The following FMN2 variants were observed in gnomAD, a reference collection of about 807,000 sequenced individuals.
FMN2 encodes the protein formin 2.
In FMN2, 51 loss-of-function variants were observed where a neutral mutation model predicts 142.3. The observed-to-expected ratio is 0.36, with a 90% CI of 0.29 to 0.45. The LOEUF (loss-of-function observed/expected upper bound fraction) is 0.45, where lower values mean the gene tolerates loss of function less well. Among genes scored for constraint, FMN2 ranks in the 20% least tolerant of loss-of-function variants. The probability of loss-of-function intolerance (pLI) is 1.00; values close to 1 mark genes in which losing one functional copy is unlikely to be tolerated. For missense variants in FMN2, 1,936 were observed against 2,122.8 expected, an observed-to-expected ratio of 0.91 and a Z score of 1.73; for synonymous variants, 882 against 869.8, an observed-to-expected ratio of 1.01 and a Z score of -0.25.
At chr1:240,423,777 C>T (rs1674848993) in intron 15 of FMN2, among the ~76,000 whole-genome samples, 1 of 152,204 alleles carries the variant, frequency 6.6e-6, no homozygotes, top group Non-Finnish European at 1.5e-5. Flanking sequence ...CCTCACGAGT[C>T]CCTTCATGTC....
intron 7 of FMN2, among the ~76,000 whole-genome samples, 180 bp from the exon 8 acceptor site, chr1:240,294,642 A>C (rs1211729813): frequency 6.6e-6 from 1 of 152,192 alleles, no homozygotes; most frequent in Non-Finnish European, 1.5e-5. Context: ...AAGCTTTAAC[A>C]CTTGACACCT....
intron 7 of FMN2, among the ~76,000 whole-genome samples, chr1:240,282,512 G>A (rs1669434036): frequency 6.6e-6 from 1 of 152,178 alleles, no homozygotes; most frequent in Non-Finnish European, 1.5e-5. Flanking sequence ...GTTGGTATAT[G>A]TGCCATTTAA....
intron 7 of FMN2, among the ~76,000 whole-genome samples, chr1:240,290,568 TCC>T (rs1321454774): frequency 1.3e-5 from 2 of 152,110 alleles, no homozygotes; most frequent in African/African-American, 4.8e-5. Flanking sequence ...TTACTTATTT[TCC>T]CCACATGATA....
intron 4 of FMN2, among the ~76,000 whole-genome samples, chr1:240,189,707 A>T (rs1665627625): frequency 6.6e-6 from 1 of 152,222 alleles, no homozygotes; most frequent in Non-Finnish European, 1.5e-5. Flanking sequence ...GGCTACATCA[A>T]CTTGGTGGCA....
chr1:240,382,937 A>T (rs1673279781), intron 14 of FMN2, among the ~76,000 whole-genome samples: 1 of 152,204 alleles, frequency 6.6e-6, no homozygotes, highest in Non-Finnish European at 1.5e-5. Context: ...AGAACAGAAT[A>T]GAGCACCAAG....
intron 1 of FMN2, among the ~76,000 whole-genome samples, chr1:240,120,141 G>T (rs1253615376): frequency 6.6e-6 from 1 of 152,148 alleles, no homozygotes; most frequent in Non-Finnish European, 1.5e-5. Flanking sequence ...AATATCAAAG[G>T]CAGCTTTTGA....
At chr1:240,170,694 C>T in intron 2 of FMN2, 1 of 1,564,056 alleles carries the variant, frequency 6.4e-7, no homozygotes, top group Non-Finnish European at 8.8e-7. Context: ...TAGGTTGTGG[C>T]ATTTCAGCTG....
At chr1:240,377,056 T>A (rs980160230) in intron 14 of FMN2, among the ~76,000 whole-genome samples, 4 of 152,202 alleles carry the variant, frequency 2.6e-5, no homozygotes, top group Non-Finnish European at 5.9e-5. Flanking sequence ...TAAGTCATTA[T>A]CTTAAAAAAA....
chr1:240,220,304 G>C (rs1253452634), intron 6 of FMN2, among the ~76,000 whole-genome samples: 1 of 152,120 alleles, frequency 6.6e-6, no homozygotes, highest in Non-Finnish European at 1.5e-5. Context: ...CCCCAGCTCT[G>C]CTCTACTCTA....
intron 15 of FMN2, among the ~76,000 whole-genome samples, chr1:240,420,070 A>G (rs1390260927): frequency 6.6e-6 from 1 of 152,028 alleles, no homozygotes; most frequent in African/African-American, 2.4e-5. Flanking sequence ...GGACCCTATT[A>G]TTTAGGATCC....
At chr1:240,234,470 G>C (rs889573645) in intron 6 of FMN2, among the ~76,000 whole-genome samples, 3 of 152,208 alleles carry the variant, frequency 2.0e-5, no homozygotes, top group African/African-American at 7.2e-5. Flanking sequence ...CCTGAGCATT[G>C]TATGTGAAGA....
chr1:240,137,038 C>G (rs1318629062), intron 2 of FMN2, among the ~76,000 whole-genome samples: 2 of 142,074 alleles, frequency 1.4e-5, no homozygotes, highest in Non-Finnish European at 3.0e-5. Flanking sequence ...CTACTGCACT[C>G]CAGCCTGGGT....
In FMN2 at chr1:240,207,043, T is replaced by A. The variant is rs200185606; in HGVS notation, c.2231T>A (p.Ile744Lys). The change falls in exon 5 of 18, where the codon ATA (isoleucine) becomes AAA (lysine). Residue 744 changes from isoleucine to lysine, a missense_variant. Physicochemically the swap from Ile to Lys is moderately radical, Grantham distance 102 (BLOSUM62 -3). Transcript: ENST00000319653. ...RHHRILEAKS[I>K]QTSPTEEGGV... The stretch of plus-strand genomic sequence containing the variant: ...CATAGGATTTTAGAGGCGAAATCGA[T>A]ACAGACTTCCCCCACGGAAGAGGGC... The A allele has an allele frequency of 3.7e-6, 6 of 1,614,142 alleles. No individual in the cohort carries two copies. Among genetic ancestry groups the A allele is most frequent in the Admixed American group, 1.7e-5 (1 of 60,020 alleles).
At chr1:240,290,793 G>GTTTTTTTTTTTTTTT (rs761547443) in intron 7 of FMN2, among the ~76,000 whole-genome samples, 10 of 84,702 alleles carry the variant, frequency 1.2e-4, no homozygotes, top group African/African-American at 1.9e-4. Context: ...TTTTTTTTTT[G>GTTTTTTTTTTTTTTT]TTTTTTTTTT....
intron 8 of FMN2, among the ~76,000 whole-genome samples, chr1:240,314,140 A>G (rs866894242): frequency 6.6e-6 from 1 of 152,208 alleles, no homozygotes. Flanking sequence ...ATATGCATAC[A>G]ATTTTAATTA....
At chr1:240,199,635 G>A (rs1345815665) in intron 4 of FMN2, among the ~76,000 whole-genome samples, 1 of 152,154 alleles carries the variant, frequency 6.6e-6, no homozygotes, top group Non-Finnish European at 1.5e-5. Flanking sequence ...GATTATACAG[G>A]AATGGAGGAA....
intron 5 of FMN2, among the ~76,000 whole-genome samples, chr1:240,209,367 C>T (rs1025892593): frequency 1.3e-5 from 2 of 151,646 alleles, no homozygotes; most frequent in East Asian, 4.0e-4. Flanking sequence ...TCTCCTGCCT[C>T]AGCCTCCCGA....
chr1:240,325,297 C>T (rs1437853725), intron 8 of FMN2, among the ~76,000 whole-genome samples: 1 of 145,770 alleles, frequency 6.9e-6, no homozygotes, highest in Non-Finnish European at 1.5e-5. Flanking sequence ...AAGCTGAGAT[C>T]GCGCCACTGC....
intron 1 of FMN2, among the ~76,000 whole-genome samples, chr1:240,102,542 G>A (rs781694833): frequency 6.6e-6 from 1 of 152,076 alleles, no homozygotes; most frequent in Non-Finnish European, 1.5e-5. Flanking sequence ...CTCTCTGTGG[G>A]AAGTGTTACA....
Sources: gnomAD v4.1 joint callset for allele counts (sites outside exome capture counted in the v4.1 genomes callset) on GRCh38, gnomAD v4.1.1 for gene constraint, MANE v1.5 for transcripts, NCBI Gene and HGNC (gene_info 2026-07-23, HGNC 2026-07-21) for gene names.